The following CCT6B variants were observed in gnomAD, a reference collection of about 807,000 sequenced individuals.
CCT6B encodes chaperonin containing TCP1 subunit 6B.
A neutral mutation model predicts 61.5 loss-of-function variants in CCT6B; 49 were observed. That is an observed-to-expected ratio of 0.80 (90% CI 0.63 to 1.01). The LOEUF (loss-of-function observed/expected upper bound fraction) is 1.01, where lower values mean the gene tolerates loss of function less well. CCT6B is among the 50% of genes least tolerant of loss of function. The pLI is 0.00. For synonymous variants in CCT6B, 228 were observed against 214.5 expected, an observed-to-expected ratio of 1.06 and a Z score of -0.55; for missense variants, 666 against 634.7, an observed-to-expected ratio of 1.05 and a Z score of -0.53.
chr17:34,954,723 A>G, intron 3 of CCT6B, 124 bp from the exon 4 acceptor site: 1 of 703,312 alleles, frequency 1.4e-6, no homozygotes, highest in Non-Finnish European at 2.3e-6. Context: ...ATAAGTGTAC[A>G]TAATTTATAA....
Position 34,929,037 on chromosome 17 carries a change from G to T in CCT6B, c.1451-3C>A. On this transcript the variant is annotated splice_region_variant and splice_polypyrimidine_tract_variant and intron_variant, in intron 12 of 13. Coordinates refer to ENST00000314144, the MANE Select transcript of CCT6B (RefSeq NM_006584.4). ...ATCTGCTGCTACCATTGGCTCACCT[G>T]AAAAGTAAAAACAATTTTCATACCA... 6.3e-7 allele frequency: 1 copy of T among 1,594,154 alleles called. No individual in the cohort carries two copies. The highest frequency in any genetic ancestry group is 1.1e-5 in the South Asian group (1 of 88,586).
At chr17:34,935,788 C>G (rs1288374096) in intron 10 of CCT6B, among the ~76,000 whole-genome samples, 1 of 151,446 alleles carries the variant, frequency 6.6e-6, no homozygotes, top group Non-Finnish European at 1.5e-5. Flanking sequence ...ACCTGGGAAG[C>G]AGAGGTTGCA....
chr17:34,960,131 A>AT (rs768019978), intron 1 of CCT6B, among the ~76,000 whole-genome samples: 33 of 152,206 alleles, frequency 2.2e-4, no homozygotes, highest in Non-Finnish European at 3.4e-4. Flanking sequence ...TGGCATCCGG[A>AT]TATCTCCAAA....
At chr17:34,944,783 G>C (rs543647190) in intron 5 of CCT6B, among the ~76,000 whole-genome samples, 1 of 152,276 alleles carries the variant, frequency 6.6e-6, no homozygotes, top group East Asian at 1.9e-4. Context: ...AAAATTAGTC[G>C]GGCCTGGTGG....
At chr17:34,942,194 T>TG (rs2090171293) in intron 7 of CCT6B, among the ~76,000 whole-genome samples, 2 of 152,126 alleles carry the variant, frequency 1.3e-5, no homozygotes, top group Non-Finnish European at 2.9e-5. Flanking sequence ...TTTTTTTTTT[T>TG]CACTGTAAGT....
chr17:34,929,731 CT>C (rs2090013827), intron 12 of CCT6B, among the ~76,000 whole-genome samples: 1 of 151,696 alleles, frequency 6.6e-6, no homozygotes, highest in Non-Finnish European at 1.5e-5. Flanking sequence ...CCAGGCTGGT[CT>C]TGAACCCTTG....
intron 2 of CCT6B, among the ~76,000 whole-genome samples, chr17:34,958,926 C>T (rs1201953770): frequency 1.3e-5 from 2 of 152,090 alleles, no homozygotes; most frequent in African/African-American, 4.8e-5. Context: ...AATGCAATGA[C>T]ATTTCTAAAA....
At chr17:34,959,989 T>G (rs192518142) in intron 1 of CCT6B, among the ~76,000 whole-genome samples, 253 of 152,348 alleles carry the variant, frequency 1.7e-3, no homozygotes, top group African/African-American at 5.7e-3. Context: ...TTTTCATTCA[T>G]TCAGTCACTC....
intron 13 of CCT6B, 88 bp downstream of exon 13, chr17:34,928,874 C>T: frequency 1.3e-5 from 10 of 766,394 alleles, no homozygotes. Context: ...TTCCACTGTA[C>T]AGGGACAAAA....
At chr17:34,939,533 T>C (rs550681681) in intron 9 of CCT6B, 84 bp downstream of exon 9, 21 of 941,704 alleles carry the variant, frequency 2.2e-5, no homozygotes, top group Non-Finnish European at 3.5e-5. Flanking sequence ...ACACAAAACA[T>C]GAAATAAAAG....
Position 34,939,225 on chromosome 17 carries a change from T to C in CCT6B, c.1171A>G (p.Ile391Val), listed in dbSNP as rs868601988. ...TTGATAGCACGAAGTCCATCTCTTA[T>C]GGCATCCTTGACTTGTGTGAGAGTA... ...KHTLTQVKDA[I>V]RDGLRAIKNA... Residue 391 changes from isoleucine to valine, a missense_variant, in exon 10 of 14, where the codon ATA becomes GTA. Ile to Val is a conservative substitution (Grantham distance 29, BLOSUM62 3). Coordinates refer to ENST00000314144, the MANE Select transcript of CCT6B (RefSeq NM_006584.4). 4.3e-6 allele frequency: 7 copies of C among 1,614,032 alleles called. No homozygotes were observed. Among genetic ancestry groups the C allele is most frequent in the South Asian group, 2.2e-5 (2 of 91,078 alleles).
Position 34,943,045 on chromosome 17 carries a change from G to GT in CCT6B, c.615-140dup, listed in dbSNP as rs2090184299. The stretch of plus-strand genomic sequence containing the variant: ...TGTACCAATTTTAACAGTTTTTGGT[G>GT]TTTTTGTTTTTTGTTTTCAGAGATG... On this transcript the variant is annotated intron_variant, in intron 5 of 13. Transcript: ENST00000314144. 6.7e-6 allele frequency: 4 copies of GT among 600,492 alleles called. No homozygotes were observed. In the East Asian group the frequency reaches 9.0e-5, roughly 13 times the overall value. The allele number at this position is 600,492 out of a possible 1,614,324, so 37.2% of individuals were successfully genotyped here. A position where few individuals can be genotyped will look rare whatever the true frequency, so the allele number is the denominator to read the frequency against.
At position 34,939,622 on chromosome 17, in the gene CCT6B, T is replaced by C; in HGVS notation, c.1060A>G (p.Thr354Ala). 1 of 1,589,048 alleles carries C rather than the reference T, an allele frequency of 6.3e-7. No individual in the cohort carries two copies. Among genetic ancestry groups the C allele is most frequent in the Non-Finnish European group, 8.6e-7 (1 of 1,157,302 alleles). ...CTGTTCATAGAAATACTCACTAATG[T>C]ATACTCATACACAAGACCAGCATGT... is the stretch of plus-strand genomic sequence containing the variant. ...LGHAGLVYEY[T>A]LGEEKFTFIE... The change falls in exon 9 of 14, where the codon ACA (threonine) becomes GCA (alanine). Residue 354 changes from threonine to alanine, a missense_variant. Transcript: ENST00000314144.
At chr17:34,940,678 C>G in intron 7 of CCT6B, 57 bp from the exon 8 acceptor site, 1 of 941,296 alleles carries the variant, frequency 1.1e-6, no homozygotes, top group South Asian at 1.7e-5. Context: ...ATTTCTCAAA[C>G]CTTTTGGTCT....
chr17:34,952,620 C>T (rs2090304258), intron 4 of CCT6B, among the ~76,000 whole-genome samples: 1 of 152,132 alleles, frequency 6.6e-6, no homozygotes, highest in Non-Finnish European at 1.5e-5. Flanking sequence ...AAAATTGACA[C>T]TCCAGAAAGC....
At chr17:34,960,894 TA>T (rs1391100181) in intron 1 of CCT6B, among the ~76,000 whole-genome samples, 1 of 152,208 alleles carries the variant, frequency 6.6e-6, no homozygotes, top group Admixed American at 6.5e-5. Flanking sequence ...TACATTGCCA[TA>T]CAAAAAACAA....
At chr17:34,929,626 G>A (rs923676027) in intron 12 of CCT6B, among the ~76,000 whole-genome samples, 14 of 151,454 alleles carry the variant, frequency 9.2e-5, no homozygotes, top group East Asian at 7.8e-4. Flanking sequence ...CAATTCTCCT[G>A]ACTCAGCCTC....
rs762018220 is a variant in CCT6B, at chr17:34,940,601, T to C, written c.906A>G (p.Leu302=). The C allele has an allele frequency of 9.7e-6, 15 of 1,553,296 alleles. No individual in the cohort carries two copies. The highest frequency in any genetic ancestry group is 1.4e-5 in the African/African-American group (1 of 72,836). The change falls in exon 8 of 14, where the codon TTA becomes TTG. Residue 302 remains leucine, a synonymous_variant. Coordinates refer to ENST00000314144, the MANE Select transcript of CCT6B (RefSeq NM_006584.4). ...CTATTCCATGTTTTGCAAGAGAATC[T>C]AAGGAAAATGGATCAATTCCCTATA... ...INQKGIDPFS[L]DSLAKHGIVA...
intron 7 of CCT6B, 28 bp downstream of exon 7, chr17:34,942,456 T>C: frequency 1.3e-6 from 2 of 1,557,436 alleles, no homozygotes; most frequent in East Asian, 2.3e-5. Flanking sequence ...CATTTACAAA[T>C]AACTAAAATC....
Sources: gnomAD v4.1 joint callset for allele counts (sites outside exome capture counted in the v4.1 genomes callset) on GRCh38, gnomAD v4.1.1 for gene constraint, MANE v1.5 for transcripts, NCBI Gene and HGNC (gene_info 2026-07-23, HGNC 2026-07-21) for gene names.